GRHL2: variants seen among roughly 807,000 people sequenced by gnomAD.
GRHL2 encodes the protein grainyhead-like protein 2 homolog.
Under a neutral mutation model 83.8 loss-of-function variants are expected in GRHL2, and 21 were observed. That is an observed-to-expected ratio of 0.25 (90% confidence interval 0.18 to 0.36). GRHL2 has a LOEUF of 0.36. GRHL2 is among the 10% of genes least tolerant of loss of function. The pLI, the probability that GRHL2 is intolerant of heterozygous loss-of-function variation, is 1.00. For synonymous variants in GRHL2, 280 were observed against 278.9 expected, an observed-to-expected ratio of 1.00 and a Z score of -0.04; for missense variants, 623 against 781.8, an observed-to-expected ratio of 0.80 and a Z score of 2.42.
chr8:101,546,840 C>T (rs1197079135), intron 2 of GRHL2, among the ~76,000 whole-genome samples: 1 of 152,172 alleles, frequency 6.6e-6, no homozygotes, highest in East Asian at 1.9e-4. Context: ...TCCTCTTATG[C>T]TAGCATTTAA....
At chr8:101,607,642 TG>T (rs1219766518) in intron 8 of GRHL2, among the ~76,000 whole-genome samples, 6 of 152,258 alleles carry the variant, frequency 3.9e-5, no homozygotes, top group African/African-American at 1.2e-4. Flanking sequence ...AAAATAGGGC[TG>T]GGGGGCACTC....
chr8:101,628,241 C>T (rs1347030560), intron 9 of GRHL2, among the ~76,000 whole-genome samples: 1 of 152,022 alleles, frequency 6.6e-6, no homozygotes, highest in Non-Finnish European at 1.5e-5. Flanking sequence ...AATGCAGCTG[C>T]TCTCTTAAAG....
intron 1 of GRHL2, among the ~76,000 whole-genome samples, chr8:101,514,970 C>T (rs1303469621): frequency 6.6e-6 from 1 of 150,864 alleles, no homozygotes; most frequent in Non-Finnish European, 1.5e-5. Context: ...TCTTTCCCTT[C>T]CTTTTCTTCT....
intron 14 of GRHL2, among the ~76,000 whole-genome samples, chr8:101,654,725 T>G (rs1813747531): frequency 1.3e-5 from 2 of 152,198 alleles, no homozygotes. Context: ...TTGAACAGTT[T>G]GGCAATGGTG....
chr8:101,619,513 G>C (rs1269415801), intron 8 of GRHL2, 26 bp from the exon 9 acceptor site: 1 of 1,611,310 alleles, frequency 6.2e-7, no homozygotes, highest in African/African-American at 1.3e-5. Context: ...GTTGACTTGT[G>C]AACTTTTTCT....
intron 11 of GRHL2, among the ~76,000 whole-genome samples, chr8:101,634,026 C>T (rs1216045000): frequency 1.3e-5 from 2 of 152,198 alleles, no homozygotes; most frequent in East Asian, 1.9e-4. Context: ...CTCTCCTGCC[C>T]CCGGGTGTCA....
In GRHL2 at chr8:101,663,395, C is replaced by T. The variant is rs941402707; in HGVS notation, c.1699-1059C>T. On this transcript the variant is annotated intron_variant, in intron 14 of 15. Transcript: ENST00000646743. ...TTGGGAGGCCGAGCTGGGTGGATCACGAGGTCAGGAGTTCGAGACCAGCCT... is the reference window on the plus strand; with the variant it reads ...TTGGGAGGCCGAGCTGGGTGGATCATGAGGTCAGGAGTTCGAGACCAGCCT... Among the ~76,000 whole-genome samples the T allele has an allele frequency of 4.6e-5, 7 of 152,038 alleles. No homozygotes were observed. In the East Asian group the frequency reaches 5.8e-4, roughly 13 times the overall value.
intron 6 of GRHL2, 40 bp from the exon 7 acceptor site, chr8:101,577,368 A>G: frequency 7.8e-7 from 1 of 1,288,696 alleles, no homozygotes; most frequent in East Asian, 2.3e-5. Context: ...CAACAGAGGC[A>G]CTGAACAAAA....
chr8:101,657,368 A>ATAAG (rs1032508721), intron 14 of GRHL2, among the ~76,000 whole-genome samples: 2 of 152,208 alleles, frequency 1.3e-5, no homozygotes, highest in African/African-American at 4.8e-5. Flanking sequence ...TTTCCACAAA[A>ATAAG]TAAGTCCAAA....
chr8:101,523,986 C>A (rs913689691), intron 1 of GRHL2, among the ~76,000 whole-genome samples: 1 of 152,102 alleles, frequency 6.6e-6, no homozygotes, highest in African/African-American at 2.4e-5. Context: ...GAATGCCCCA[C>A]CATTTGGATT....
intron 1 of GRHL2, among the ~76,000 whole-genome samples, chr8:101,496,224 A>G (rs1486725040): frequency 1.3e-5 from 2 of 151,560 alleles, no homozygotes; most frequent in Non-Finnish European, 2.9e-5. Flanking sequence ...TGATAATTTC[A>G]GTCATTTTGT....
intron 1 of GRHL2, among the ~76,000 whole-genome samples, chr8:101,533,253 C>G (rs1397319057): frequency 6.6e-6 from 1 of 152,096 alleles, no homozygotes; most frequent in Non-Finnish European, 1.5e-5. Context: ...ATCAAGGCAA[C>G]TTACATTTGC....
downstream of GRHL2, among the ~76,000 whole-genome samples, chr8:101,671,887 A>G (rs4734579): frequency 0.39 from 59,451 of 151,592 alleles, 12,027 homozygotes; most frequent in South Asian, 0.53. Flanking sequence ...ACCAATATCG[A>G]CTGTTCTACA....
At chr8:101,572,352 A>G (rs1811844281) in intron 5 of GRHL2, among the ~76,000 whole-genome samples, 1 of 152,234 alleles carries the variant, frequency 6.6e-6, no homozygotes, top group African/African-American at 2.4e-5. Flanking sequence ...ATATTCTGGA[A>G]TTTGCTTAGT....
chr8:101,608,691 A>G (rs4734553), intron 8 of GRHL2, among the ~76,000 whole-genome samples: 75,498 of 148,390 alleles, frequency 0.51, 21,322 homozygotes, highest in African/African-American at 0.75. Flanking sequence ...AGATTGACTC[A>G]TTGTTAATAT....
chr8:101,518,320 G>A (rs1810613567), intron 1 of GRHL2, among the ~76,000 whole-genome samples: 1 of 152,238 alleles, frequency 6.6e-6, no homozygotes. Flanking sequence ...GCTGAGGTAG[G>A]AGAATCACTT....
At chr8:101,612,775 C>A (rs1056594331) in intron 8 of GRHL2, among the ~76,000 whole-genome samples, 1 of 150,876 alleles carries the variant, frequency 6.6e-6, no homozygotes, top group African/African-American at 2.5e-5. Context: ...AGTAGTTGGA[C>A]AAATATTTGT....
chr8:101,558,835 G>C (rs201443021), intron 4 of GRHL2, 23 bp downstream of exon 4: 1 of 1,612,284 alleles, frequency 6.2e-7, no homozygotes. Flanking sequence ...CTCCATCGAC[G>C]GCCAGAACCC....
chr8:101,631,731 T>TA lies in GRHL2; in HGVS notation c.1345+7_1345+8insA. 6.2e-7 allele frequency: 1 copy of TA among 1,609,162 alleles called. No homozygotes were observed. Among genetic ancestry groups the TA allele is most frequent in the African/African-American group, 1.3e-5 (1 of 74,944 alleles). ...CAAACTCAATGCAACAGCTGTGAGT[T>TA]TCACTGAGACTAATGTTGCTTTCTA... On this transcript the variant is annotated splice_region_variant and intron_variant, in intron 10 of 15. Coordinates refer to ENST00000646743, the MANE Select transcript of GRHL2 (RefSeq NM_024915.4).
Sources: allele counts gnomAD v4.1 joint callset (sites outside exome capture counted in the v4.1 genomes callset), GRCh38; gene constraint gnomAD v4.1.1; transcripts MANE v1.5; gene names NCBI Gene and HGNC (gene_info 2026-07-23, HGNC 2026-07-21).